Variants in COPS7A observed in about 807,000 individuals in gnomAD.
COPS7A encodes COP9 signalosome complex subunit 7a.
COPS7A carries 20 observed loss-of-function variants against 35.2 expected under a neutral mutation model. The observed-to-expected ratio is 0.57, with a 90% confidence interval of 0.40 to 0.83. COPS7A has a LOEUF of 0.83. Among genes scored for constraint, COPS7A ranks in the 40% least tolerant of loss-of-function variants. The probability of loss-of-function intolerance (pLI) is 0.00; values close to 1 mark genes in which losing one functional copy is unlikely to be tolerated. For missense variants in COPS7A, 247 were observed against 347.5 expected (o/e 0.71, Z 2.30); for synonymous variants, 139 against 141.4 (o/e 0.98, Z 0.12).
intron 2 of COPS7A, among the ~76,000 whole-genome samples, chr12:6,727,247 G>T (rs923040532): frequency 6.8e-6 from 1 of 147,126 alleles, no homozygotes; most frequent in African/African-American, 2.5e-5. Context: ...TGAGGCAGGA[G>T]AATTGCCTGA....
intron 2 of COPS7A, among the ~76,000 whole-genome samples, chr12:6,725,346 A>G (rs1193207618): frequency 6.6e-6 from 1 of 151,850 alleles, no homozygotes; most frequent in African/African-American, 2.4e-5. Context: ...TTTAGTAGAG[A>G]TGGGATTTCA....
rs1219786124 is a variant in COPS7A at position 6,731,012 on chromosome 12, C to T, written c.801C>T (p.Ser267=). ...TTCTCCTTGCCAGGCTCCGAGGGAGCGCCAAGATTTGGTCCAAGTCGAATT... is the reference window on the plus strand; with the variant it reads ...TTCTCCTTGCCAGGCTCCGAGGGAGTGCCAAGATTTGGTCCAAGTCGAATT... The part of the protein sequence containing the change: ...KASKGKGLRG[S]AKIWSKSN The change falls in exon 8 of 8, where the codon AGC becomes AGT. Residue 267 remains serine, a synonymous_variant. Coordinates refer to ENST00000543155, the MANE Select transcript of COPS7A (RefSeq NM_001164094.2). 5.6e-6 allele frequency: 9 copies of T among 1,613,764 alleles called. No homozygotes were observed. Among genetic ancestry groups the T allele is most frequent in the South Asian group, 1.1e-5 (1 of 91,072 alleles).
intron 4 of COPS7A, among the ~76,000 whole-genome samples, chr12:6,728,772 A>C (rs1206889718): frequency 1.3e-5 from 2 of 152,178 alleles, no homozygotes; most frequent in African/African-American, 4.8e-5. Flanking sequence ...CTTGACTCTC[A>C]GTTGTCCTTG....
At chr12:6,725,626 G>C (rs1941233670) in intron 2 of COPS7A, 1 of 455,908 alleles carries the variant, frequency 2.2e-6, no homozygotes, top group African/African-American at 2.0e-5. Context: ...GTTAGCTAAG[G>C]GAGAACGTGT....
At chr12:6,725,804 C>A in intron 2 of COPS7A, 1 of 456,122 alleles carries the variant, frequency 2.2e-6, no homozygotes, top group Non-Finnish European at 4.4e-6. Flanking sequence ...GTGGTTTAAC[C>A]TTTTGGATCA....
intron 2 of COPS7A, chr12:6,725,849 C>T (rs1941238904): frequency 2.2e-6 from 1 of 455,972 alleles, no homozygotes; most frequent in African/African-American, 2.0e-5. Flanking sequence ...TGACTTTTCC[C>T]TGCTTTCATC....
At chr12:6,726,671 T>TAA (rs1239146735) in intron 2 of COPS7A, among the ~76,000 whole-genome samples, 1 of 127,924 alleles carries the variant, frequency 7.8e-6, no homozygotes, top group African/African-American at 2.9e-5. Context: ...AAGTATAATT[T>TAA]AAAAAAAAAA....
chr12:6,729,806 T>A lies in COPS7A; in HGVS notation c.530+357T>A, dbSNP rs1941347429. ...TTTCCTCTTTTTTATTTTCTTTGTGTCCCCATCTAACTTCAGGGTTTCTGT... is the reference window on the plus strand; with the variant it reads ...TTTCCTCTTTTTTATTTTCTTTGTGACCCCATCTAACTTCAGGGTTTCTGT... On this transcript the variant is annotated intron_variant, in intron 5 of 7. Coordinates refer to ENST00000543155, the MANE Select transcript of COPS7A (RefSeq NM_001164094.2). The surrounding 1 kb of genome is among the most constrained non-coding windows in gnomAD (Gnocchi z 4.2). Among the ~76,000 whole-genome samples the A allele has an allele frequency of 6.6e-6, 1 of 152,200 alleles. No homozygotes were observed. Among genetic ancestry groups the A allele is most frequent in the East Asian group, 1.9e-4 (1 of 5,208 alleles).
intron 2 of COPS7A, among the ~76,000 whole-genome samples, chr12:6,726,684 AAGGG>A (rs1445336458): frequency 1.3e-5 from 2 of 151,044 alleles, no homozygotes; most frequent in Non-Finnish European, 3.0e-5. Context: ...AAAAAAAAAA[AAGGG>A]AGGCGGAGGT....
Position 6,731,347 on chromosome 12 carries a change from G to C in COPS7A, c.*308G>C. ...GTTCATTACATGTCATTGAGTAGGT[G>C]GGTAGCCCTGATGGGGGTCGCTCTG... On this transcript the variant is annotated 3_prime_UTR_variant, in exon 8 of 8. Coordinates refer to ENST00000543155, the MANE Select transcript of COPS7A (RefSeq NM_001164094.2). 1 of 1,401,936 alleles carries C rather than the reference G, an allele frequency of 7.1e-7. No individual in the cohort carries two copies. The highest frequency in any genetic ancestry group is 9.2e-7 in the Non-Finnish European group (1 of 1,081,304). 86.8% of individuals were successfully genotyped at this position (1,401,936 alleles called of 1,614,324 possible).
At chr12:6,725,938 C>G (rs922064109) in intron 2 of COPS7A, 7 of 455,332 alleles carry the variant, frequency 1.5e-5, no homozygotes, top group African/African-American at 1.4e-4. Context: ...TGCCTGTAAT[C>G]CCAGCACTTT....
chr12:6,728,542 T>C (rs760970611), intron 4 of COPS7A, among the ~76,000 whole-genome samples: 13 of 152,246 alleles, frequency 8.5e-5, no homozygotes, highest in Non-Finnish European at 1.5e-4. Flanking sequence ...TCTGTGGTTT[T>C]GGTCAAAATA....
At position 6,728,223 on chromosome 12, in the gene COPS7A, C is replaced by T. The variant is rs141811786; in HGVS notation, c.239C>T (p.Ala80Val). 5 of 1,613,714 alleles carry T rather than the reference C, an allele frequency of 3.1e-6. No individual in the cohort carries two copies. The African/African-American group carries it at 6.7e-5, about 22-fold the overall frequency. ...CTTACACTTTGTCGTTTTTCCCTAG[C>T]TGAAGCCCGGAATCTTCCTCCACTA... is the stretch of plus-strand genomic sequence containing the variant. ...FAYGTYADYL[A>V]EARNLPPLTE... The change falls in exon 4 of 8, where the codon GCT becomes GTT. Residue 80 changes from alanine (A) to valine (V), a missense_variant and splice_region_variant. Ala to Val is a moderately conservative substitution (Grantham distance 64). Coordinates refer to ENST00000543155, the MANE Select transcript of COPS7A (RefSeq NM_001164094.2).
intron 1 of COPS7A, 134 bp downstream of exon 1, chr12:6,724,313 T>C: frequency 2.4e-6 from 1 of 423,590 alleles, no homozygotes; most frequent in Non-Finnish European, 4.6e-6. Flanking sequence ...AATGGAGAGC[T>C]GAGGGAGCGT....
At position 6,728,139 on chromosome 12, in the gene COPS7A, T is replaced by G; in HGVS notation, c.239-84T>G. ...TCAGGGTCAAGACCTGAATTGGCAT[T>G]GAAAGTGGGAGGGAAGGGAAGGAGG... On this transcript the variant is annotated intron_variant, in intron 3 of 7. Transcript: ENST00000543155. 5 of 1,479,020 alleles carry G rather than the reference T, an allele frequency of 3.4e-6. No individual in the cohort carries two copies. The South Asian group carries it at 5.7e-5, about 17-fold the overall frequency. The allele number at this position is 1,479,020 out of a possible 1,614,324, so 91.6% of individuals were successfully genotyped here.
Position 6,731,419 on chromosome 12 carries a change from A to T in COPS7A, c.*380A>T. ...GTTTTTTCTGCCACCCCATCCCTGC[A>T]TGCCTGATCCCCAGTTCCTATACCC... is the stretch of plus-strand genomic sequence containing the variant. On this transcript the variant is annotated 3_prime_UTR_variant, in exon 8 of 8. Transcript: ENST00000543155. The T allele has an allele frequency of 1.1e-6, 1 of 933,824 alleles. No homozygotes were observed. Among genetic ancestry groups the T allele is most frequent in the East Asian group, 3.1e-5 (1 of 31,984 alleles). 57.8% of individuals were successfully genotyped at this position (933,824 alleles called of 1,614,324 possible). A position where few individuals can be genotyped will look rare whatever the true frequency, so the allele number is the denominator to read the frequency against.
chr12:6,730,960 T>TTCTC lies in COPS7A; in HGVS notation c.789-26_789-23dup, dbSNP rs367598603. On this transcript the variant is annotated intron_variant, in intron 7 of 7. Coordinates refer to ENST00000543155, the MANE Select transcript of COPS7A (RefSeq NM_001164094.2). ...TCCAGGGGTTAGGGGATTCCCTGCA[T>TTCTC]TCTCTCTCTCTCTCTCTTTCTCTCT... is the stretch of plus-strand genomic sequence containing the variant. 6.0e-6 allele frequency: 9 copies of TTCTC among 1,509,694 alleles called. No homozygotes were observed. In the East Asian group the frequency reaches 7.0e-5, roughly 12 times the overall value. The allele number at this position is 1,509,694 out of a possible 1,614,324, so 93.5% of individuals were successfully genotyped here.
intron 4 of COPS7A, chr12:6,728,963 G>A (rs1485515932): frequency 2.3e-6 from 1 of 444,018 alleles, no homozygotes; most frequent in African/African-American, 2.0e-5. Context: ...CTAAAGGAGT[G>A]ACACCCAGGC....
intron 4 of COPS7A, 132 bp downstream of exon 4, chr12:6,728,443 C>A: frequency 1.6e-6 from 1 of 616,124 alleles, no homozygotes; most frequent in Non-Finnish European, 2.8e-6. Context: ...TGTATATAAA[C>A]TCCATTAGCA....
Sources: gnomAD v4.1 joint callset for allele counts (sites outside exome capture counted in the v4.1 genomes callset) on GRCh38, gnomAD v4.1.1 for gene constraint, Gnocchi (gnomAD v3.1) non-coding constraint, MANE v1.5 for transcripts, NCBI Gene and HGNC (gene_info 2026-07-23, HGNC 2026-07-21) for gene names.